FMN1: variants seen among roughly 807,000 people sequenced by gnomAD.
FMN1 encodes the protein formin 1, also known as formin-1.
A neutral mutation model predicts 132.4 loss-of-function variants in FMN1; 110 were observed. The ratio of observed to expected loss-of-function variants is 0.83; its 90% CI spans 0.71 to 0.97. The LOEUF (loss-of-function observed/expected upper bound fraction) is 0.97. Among genes scored for constraint, FMN1 ranks in the 50% least tolerant of loss-of-function variants. The pLI, the probability that FMN1 is intolerant of heterozygous loss-of-function variation, is 0.00. For missense variants in FMN1, 1,792 were observed against 1,705.3 expected, an observed-to-expected ratio of 1.05 and a Z score of -0.90; for synonymous variants, 722 against 651.7, an observed-to-expected ratio of 1.11 and a Z score of -1.64.
At chr15:33,108,982 G>C (rs2039593087) in intron 4 of FMN1, among the ~76,000 whole-genome samples, 2 of 152,016 alleles carry the variant, frequency 1.3e-5, no homozygotes, top group Admixed American at 6.6e-5. Flanking sequence ...GAGTTATCCA[G>C]TCTAATACTA....
In FMN1 at chr15:32,771,377, C is replaced by CCCGGG. The variant is rs138308362; in HGVS notation, c.*2928_*2932dup. ...TATAGGCATGAGCCACCACGCCCGG[C>CCCGGG]CCGGGCCTGATGCTTTTTACCTAAC... On this transcript the variant is annotated 3_prime_UTR_variant, in exon 21 of 21. Coordinates refer to ENST00000616417, the MANE Select transcript of FMN1 (RefSeq NM_001277313.2). 0.14 allele frequency: 20,744 copies of CCCGGG among 151,838 alleles called. 1,483 individuals carry two copies. Among genetic ancestry groups the CCCGGG allele is most frequent in the African/African-American group, 0.16 (6,580 of 41,338 alleles). 9.4% of individuals were successfully genotyped at this position (151,838 alleles called of 1,614,324 possible). A position where few individuals can be genotyped will look rare whatever the true frequency, so the allele number is the denominator to read the frequency against.
intron 19 of FMN1, 101 bp from the exon 20 acceptor site, chr15:32,777,020 A>G: frequency 3.2e-6 from 2 of 625,680 alleles, no homozygotes; most frequent in Non-Finnish European, 5.5e-6. Flanking sequence ...ATAAACCCAA[A>G]TGCTTTTGAA....
rs143264148 is a variant in FMN1, at chr15:33,161,862, G to C, written c.-131-6817C>G. 9.2e-3 allele frequency among the ~76,000 whole-genome samples: 1,389 copies of C among 151,650 alleles called. 25 individuals carry two copies. Among genetic ancestry groups the C allele is most frequent in the African/African-American group, 0.03 (1,221 of 41,360 alleles). On this transcript the variant is annotated intron_variant, in intron 3 of 20. Coordinates refer to ENST00000616417, the MANE Select transcript of FMN1 (RefSeq NM_001277313.2). Reference sequence around the variant, plus strand: ...GAACCCGGGAGGTGGAGCTTGCAATGAGACGAGATCGTGCCACTGCACTCC... The same window carrying C: ...GAACCCGGGAGGTGGAGCTTGCAATCAGACGAGATCGTGCCACTGCACTCC...
chr15:33,024,101 A>T (rs1483069753), intron 6 of FMN1, among the ~76,000 whole-genome samples: 1 of 152,156 alleles, frequency 6.6e-6, no homozygotes, highest in African/African-American at 2.4e-5. Context: ...AGGACAGTAA[A>T]TTTATGGAAG....
chr15:32,980,273 T>C (rs1390600563), intron 7 of FMN1, among the ~76,000 whole-genome samples: 4 of 151,890 alleles, frequency 2.6e-5, no homozygotes, highest in South Asian at 4.1e-4. Context: ...AAGAGAAATA[T>C]TTTCTGCTAG....
At chr15:32,821,837 TAAGGGAG>T (rs2058226732) in intron 17 of FMN1, among the ~76,000 whole-genome samples, 1 of 152,168 alleles carries the variant, frequency 6.6e-6, no homozygotes, top group South Asian at 2.1e-4. Flanking sequence ...TGGAACAATA[TAAGGGAG>T]GCTTGCTTTT....
Position 33,079,552 on chromosome 15 carries a change from G to A in FMN1, c.2043+9247C>T, listed in dbSNP as rs189283506. Among the ~76,000 whole-genome samples the A allele has an allele frequency of 1.6e-3, 245 of 152,358 alleles. 1 individual carries two copies. The highest frequency in any genetic ancestry group is 1.9e-3 in the Non-Finnish European group (131 of 68,042). On this transcript the variant is annotated intron_variant, in intron 5 of 20. Transcript: ENST00000616417. ...GCAGGAGAATCACTTGAACCTGGGAGGCAGAGGTTGGAGTGAGCTGAGATC... is the reference window on the plus strand; with the variant it reads ...GCAGGAGAATCACTTGAACCTGGGAAGCAGAGGTTGGAGTGAGCTGAGATC...
At chr15:32,896,045 G>A (rs190867356) in intron 15 of FMN1, among the ~76,000 whole-genome samples, 41 of 151,938 alleles carry the variant, frequency 2.7e-4, no homozygotes, top group Admixed American at 1.2e-3. Flanking sequence ...TATCTCTTCT[G>A]TTCTTTAAAA....
chr15:32,936,902 G>A lies in FMN1; in HGVS notation c.3139-10641C>T, dbSNP rs552296639. ...AAGCTGCTGAGCTGTATTGGCCTCT[G>A]TCTACTGTACTGCAGGCCACCTAGC... On this transcript the variant is annotated intron_variant, in intron 9 of 20. Coordinates refer to ENST00000616417, the MANE Select transcript of FMN1 (RefSeq NM_001277313.2). 5.9e-5 allele frequency among the ~76,000 whole-genome samples: 9 copies of A among 152,292 alleles called. No individual in the cohort carries two copies. The South Asian group carries it at 1.7e-3, about 28-fold the overall frequency.
At chr15:32,984,290 T>C (rs1443737957) in intron 7 of FMN1, among the ~76,000 whole-genome samples, 1 of 152,184 alleles carries the variant, frequency 6.6e-6, no homozygotes, top group African/African-American at 2.4e-5. Context: ...TTTTATGCAA[T>C]AGATTAATAT....
At position 33,010,901 on chromosome 15, in the gene FMN1, A is replaced by T. The variant is rs539247117; in HGVS notation, c.2162-2826T>A. Reference sequence around the variant, plus strand: ...TAACATTTTATTGACATATTTTACTAAAAAAAAAAAAATAAACGCAGAAAG... The same window carrying T: ...TAACATTTTATTGACATATTTTACTTAAAAAAAAAAAATAAACGCAGAAAG... On this transcript the variant is annotated intron_variant, in intron 6 of 20. Coordinates refer to ENST00000616417, the MANE Select transcript of FMN1 (RefSeq NM_001277313.2). Among the ~76,000 whole-genome samples the T allele has an allele frequency of 3.4e-3, 477 of 141,508 alleles. 2 individuals carry two copies. Among genetic ancestry groups the T allele is most frequent in the Non-Finnish European group, 6.1e-3 (393 of 64,680 alleles). 92.8% of individuals were successfully genotyped at this position (141,508 alleles called of 152,430 possible).
intron 16 of FMN1, among the ~76,000 whole-genome samples, chr15:32,868,540 T>C (rs369072549): frequency 6.6e-6 from 1 of 152,164 alleles, no homozygotes. Context: ...TCTCAGAACA[T>C]ATCCCAGTTG....
At chr15:32,999,535 T>C (rs982461511) in intron 7 of FMN1, among the ~76,000 whole-genome samples, 5 of 152,246 alleles carry the variant, frequency 3.3e-5, no homozygotes, top group Admixed American at 2.0e-4. Context: ...CTGGATCATT[T>C]TGCAGTGGGA....
intron 19 of FMN1, among the ~76,000 whole-genome samples, chr15:32,784,419 C>G (rs1469984752): frequency 1.6e-3 from 1 of 636 alleles, no homozygotes; most frequent in African/African-American, 1.8e-3. Context: ...GGGGGAAAAA[C>G]AAAACAAAAC....
intron 9 of FMN1, among the ~76,000 whole-genome samples, chr15:32,931,181 G>C (rs1448842207): frequency 6.6e-6 from 1 of 152,120 alleles, no homozygotes; most frequent in African/African-American, 2.4e-5. Context: ...AGGGTCTTCT[G>C]TGGTTCCATA....
intron 3 of FMN1, among the ~76,000 whole-genome samples, chr15:33,157,324 A>G (rs1418804944): frequency 6.6e-6 from 1 of 152,134 alleles, no homozygotes; most frequent in Non-Finnish European, 1.5e-5. Context: ...GTAATTTCAA[A>G]TAGGAATATG....
chr15:33,147,772 T>A (rs1964284940), intron 4 of FMN1, among the ~76,000 whole-genome samples: 1 of 152,254 alleles, frequency 6.6e-6, no homozygotes, highest in South Asian at 2.1e-4. Flanking sequence ...TGTTCATTAG[T>A]AGAACATTTA....
At chr15:32,976,124 T>TA (rs1168142503) in intron 7 of FMN1, among the ~76,000 whole-genome samples, 1 of 152,046 alleles carries the variant, frequency 6.6e-6, no homozygotes, top group African/African-American at 2.4e-5. Flanking sequence ...CCAGGGCCAA[T>TA]AAAAAATCAG....
At position 33,025,957 on chromosome 15, in the gene FMN1, T is replaced by C. The variant is rs2035644844; in HGVS notation, c.2162-17882A>G. On this transcript the variant is annotated intron_variant, in intron 6 of 20. Coordinates refer to ENST00000616417, the MANE Select transcript of FMN1 (RefSeq NM_001277313.2). ...ACATTAAACTAGAGGCGTGAGATAA[T>C]GTGCTAAGAAAAGAGATGTAAGAAT... Among the ~76,000 whole-genome samples, 2 of 152,142 alleles carry C rather than the reference T, an allele frequency of 1.3e-5. 1 individual carries two copies. Among genetic ancestry groups the C allele is most frequent in the South Asian group, 4.1e-4 (2 of 4,828 alleles).
Sources: gnomAD v4.1 joint callset for allele counts (sites outside exome capture counted in the v4.1 genomes callset) on GRCh38, gnomAD v4.1.1 for gene constraint, MANE v1.5 for transcripts, NCBI Gene and HGNC (gene_info 2026-07-23, HGNC 2026-07-21) for gene names.